CDH2: variants seen among roughly 807,000 people sequenced by gnomAD.
CDH2 encodes the protein cadherin 2, also known as cadherin-2.
In CDH2, 17 loss-of-function variants were observed where a neutral mutation model predicts 92.0. The ratio of observed to expected loss-of-function variants is 0.18; its 90% CI spans 0.13 to 0.28. The LOEUF (loss-of-function observed/expected upper bound fraction) is 0.28, where lower values mean the gene tolerates loss of function less well. Among genes scored for constraint, CDH2 ranks in the 10% least tolerant of loss-of-function variants. CDH2 has a pLI of 1.00. For synonymous variants in CDH2, 419 were observed against 415.9 expected (o/e 1.01, Z -0.09); for missense variants, 862 against 1,133.1 (o/e 0.76, Z 3.44).
chr18:27,969,622 C>A (rs2011608771), intron 14 of CDH2, among the ~76,000 whole-genome samples: 1 of 152,196 alleles, frequency 6.6e-6, no homozygotes, highest in Non-Finnish European at 1.5e-5. Flanking sequence ...TAAGAGGGGT[C>A]TCTCTTGGGA....
chr18:28,029,451 GT>G (rs11364889), intron 2 of CDH2, among the ~76,000 whole-genome samples: 4,345 of 148,340 alleles, frequency 0.029, 92 homozygotes, highest in African/African-American at 0.053. Context: ...GCCATCATTG[GT>G]TTTTTTTTTA....
chr18:28,131,489 A>T (rs1004984908), intron 2 of CDH2, among the ~76,000 whole-genome samples: 1 of 152,136 alleles, frequency 6.6e-6, no homozygotes, highest in East Asian at 1.9e-4. Flanking sequence ...CAGAACATCA[A>T]TCACTGCAGT....
At chr18:28,069,792 AGAGCTGACATTGCAACTTTTCTGGAG>A (rs1257356084) in intron 2 of CDH2, among the ~76,000 whole-genome samples, 8 of 152,114 alleles carry the variant, frequency 5.3e-5, no homozygotes, top group Non-Finnish European at 1.0e-4. Flanking sequence ...AGCTGCATTC[AGAGCTGACATTGCAACTTTTCTGGAG>A]GCATCTTGGG....
chr18:28,071,458 C>T (rs542355068), intron 2 of CDH2, among the ~76,000 whole-genome samples: 1 of 152,048 alleles, frequency 6.6e-6, no homozygotes, highest in South Asian at 2.1e-4. Context: ...ACATTCTGTC[C>T]GTAACTGTCA....
intron 2 of CDH2, among the ~76,000 whole-genome samples, chr18:28,031,444 C>T (rs1037047723): frequency 2.0e-5 from 3 of 152,074 alleles, no homozygotes; most frequent in Admixed American, 1.3e-4. Flanking sequence ...ACAACATCTA[C>T]GGTGGCCTTT....
rs1226638884 is a variant in CDH2 at position 27,943,323 on chromosome 18, C to T, written c.1152-10199G>A. Among the ~76,000 whole-genome samples, 4 of 152,310 alleles carry T rather than the reference C, an allele frequency of 2.6e-5. No homozygotes were observed. The East Asian group carries it at 5.8e-4, about 22-fold the overall frequency. ...TAATAAATCATGGCTCTGCCACTGA[C>T]TAGCTCAGTGTCAGTGGACAAGCCA... On this transcript the variant is annotated intron_variant, in intron 6 of 6. Transcript: ENST00000675173.
rs149610799 is a variant in CDH2 at position 27,993,553 on chromosome 18, C to T, written c.1105G>A (p.Val369Ile). ...TCATTGACATCTGTCACTGTGATGA[C>T]GGCCGTGGCTGTGTTTGAAAGGCCA... is the stretch of plus-strand genomic sequence containing the variant. ...TYGLSNTATAVITVTDVNDNP... is the reference protein window; with the variant it reads ...TYGLSNTATAIITVTDVNDNP... Residue 369 changes from valine (V) to isoleucine (I), a missense_variant, in exon 8 of 16, where the codon GTC becomes ATC. This residue lies in a region of CDH2 where 564 missense variants were observed against 722.2 expected (regional missense o/e 0.78). Transcript: ENST00000269141. 1.4e-5 allele frequency: 23 copies of T among 1,613,956 alleles called. No homozygotes were observed. Among genetic ancestry groups the T allele is most frequent in the Admixed American group, 3.3e-5 (2 of 59,992 alleles).
chr18:28,031,970 A>G (rs1458525647), intron 2 of CDH2, among the ~76,000 whole-genome samples: 2 of 152,164 alleles, frequency 1.3e-5, no homozygotes, highest in Non-Finnish European at 2.9e-5. Context: ...TGTGAATCAC[A>G]AACTGCCTAG....
At chr18:28,021,932 C>CACAGTGTTA (rs1242997880) in intron 2 of CDH2, among the ~76,000 whole-genome samples, 4 of 151,906 alleles carry the variant, frequency 2.6e-5, no homozygotes, top group Non-Finnish European at 4.4e-5. Flanking sequence ...GAAATAGTTT[C>CACAGTGTTA]ACAGTGTTAA....
chr18:28,132,383 C>A (rs1248994753), intron 2 of CDH2, among the ~76,000 whole-genome samples: 1 of 152,218 alleles, frequency 6.6e-6, no homozygotes, highest in Non-Finnish European at 1.5e-5. Context: ...CTTTCCTTCT[C>A]TCCACTCTGC....
Position 28,160,267 on chromosome 18 carries a change from G to T in CDH2, c.61-12483C>A, listed in dbSNP as rs1009756. Among the ~76,000 whole-genome samples, 383 of 152,210 alleles carry T rather than the reference G, an allele frequency of 2.5e-3. 6 individuals carry two copies. The highest frequency in any genetic ancestry group is 0.02 in the Admixed American group (303 of 15,300). Reference sequence around the variant, plus strand: ...CTTAGCCCAGTGGTGAACAATTTGGGTGAGGGATGCCACAATCTGGGTGAA... The same window carrying T: ...CTTAGCCCAGTGGTGAACAATTTGGTTGAGGGATGCCACAATCTGGGTGAA... On this transcript the variant is annotated intron_variant, in intron 1 of 15. Transcript: ENST00000269141.
At position 28,119,035 on chromosome 18, in the gene CDH2, C is replaced by T. The variant is rs2015542869; in HGVS notation, c.172+28638G>A. Reference sequence around the variant, plus strand: ...ATACAATCCATTGGAAAGTTCAAAACCAAAAGAACAATCCAGGGAACATAA... The same window carrying T: ...ATACAATCCATTGGAAAGTTCAAAATCAAAAGAACAATCCAGGGAACATAA... On this transcript the variant is annotated intron_variant, in intron 2 of 15. Transcript: ENST00000269141. Among the ~76,000 whole-genome samples, 3 of 151,922 alleles carry T rather than the reference C, an allele frequency of 2.0e-5. No homozygotes were observed. The South Asian group carries it at 6.2e-4, about 32-fold the overall frequency.
chr18:28,177,081 C>CGGCGGCGGA lies in CDH2; in HGVS notation c.-60_-59insTCCGCCGCC, dbSNP rs1445640526. On this transcript the variant is annotated 5_prime_UTR_variant, in exon 1 of 16. Transcript: ENST00000269141. ...GAGGCGGCGGCGGCGGCGGCGGCGG[C>CGGCGGCGGA]GGAGGAGGAGGAGGCAGCGGCAGCA... The CGGCGGCGGA allele has an allele frequency of 6.4e-4, 670 of 1,053,238 alleles. 6 individuals are homozygous for CGGCGGCGGA. The African/African-American group carries it at 0.01, about 16-fold the overall frequency. 65.2% of individuals were successfully genotyped at this position (1,053,238 alleles called of 1,614,324 possible).
chr18:28,027,152 G>A (rs987620268), intron 2 of CDH2, among the ~76,000 whole-genome samples: 1 of 152,082 alleles, frequency 6.6e-6, no homozygotes, highest in Non-Finnish European at 1.5e-5. Context: ...CGGTTTTTGT[G>A]TTAAACACAG....
At chr18:28,153,264 CT>C (rs543694465) in intron 1 of CDH2, among the ~76,000 whole-genome samples, 11 of 151,604 alleles carry the variant, frequency 7.3e-5, no homozygotes, top group African/African-American at 2.2e-4. Flanking sequence ...CCATCCTGAT[CT>C]TTTTTTTTCT....
intron 2 of CDH2, among the ~76,000 whole-genome samples, chr18:28,031,112 C>T (rs917109085): frequency 6.6e-6 from 1 of 151,326 alleles, no homozygotes; most frequent in Admixed American, 6.6e-5. Flanking sequence ...TGCCTGCTTG[C>T]CATCTCCACT....
At chr18:28,094,095 C>T (rs755610644) in intron 2 of CDH2, among the ~76,000 whole-genome samples, 2 of 152,188 alleles carry the variant, frequency 1.3e-5, no homozygotes, top group African/African-American at 4.8e-5. Flanking sequence ...TATCCTTCTA[C>T]AATTTTGAAA....
intron 2 of CDH2, among the ~76,000 whole-genome samples, chr18:28,067,524 G>A (rs933706119): frequency 6.6e-6 from 1 of 152,108 alleles, no homozygotes; most frequent in African/African-American, 2.4e-5. Flanking sequence ...TTAGCACAGT[G>A]TTTTCAAGTT....
intron 6 of CDH2, among the ~76,000 whole-genome samples, chr18:27,941,682 T>C (rs2143835150): frequency 6.6e-6 from 1 of 152,268 alleles, no homozygotes; most frequent in East Asian, 1.9e-4. Flanking sequence ...AGAAGGGAAA[T>C]ATTAGAAAGT....
Sources: gnomAD v4.1 joint callset for allele counts (sites outside exome capture counted in the v4.1 genomes callset) on GRCh38, gnomAD v4.1.1 for gene constraint, gnomAD v4.1.1 regional missense constraint, MANE v1.5 for transcripts, NCBI Gene and HGNC (gene_info 2026-07-23, HGNC 2026-07-21) for gene names.